SLC14A2: variants seen among roughly 807,000 people sequenced by gnomAD.
The protein encoded by SLC14A2 is solute carrier family 14 member 2.
Under a neutral mutation model 104.6 loss-of-function variants are expected in SLC14A2, and 91 were observed. The ratio of observed to expected loss-of-function variants is 0.87; its 90% CI spans 0.73 to 1.04. SLC14A2 has a LOEUF of 1.04. SLC14A2 is among the 50% of genes least tolerant of loss of function. The pLI, the probability that SLC14A2 is intolerant of heterozygous loss-of-function variation, is 0.00. For synonymous variants in SLC14A2, 476 were observed against 466.4 expected (o/e 1.02, Z -0.27); for missense variants, 1,189 against 1,156.0 (o/e 1.03, Z -0.41).
intron 1 of SLC14A2, among the ~76,000 whole-genome samples, chr18:45,417,128 G>T (rs1306770702): frequency 6.6e-6 from 1 of 152,112 alleles, no homozygotes; most frequent in African/African-American, 2.4e-5. Flanking sequence ...TCAGGATTTT[G>T]GTTATTTATC....
chr18:45,211,105 A>ATG (rs1203961266), upstream of SLC14A2, among the ~76,000 whole-genome samples: 1 of 152,182 alleles, frequency 6.6e-6, no homozygotes, highest in Non-Finnish European at 1.5e-5. Flanking sequence ...ACCAGAGAAA[A>ATG]TGTCTCTATT....
chr18:45,548,485 C>T (rs976703639), intron 2 of SLC14A2, among the ~76,000 whole-genome samples: 3 of 152,190 alleles, frequency 2.0e-5, no homozygotes, highest in Non-Finnish European at 2.9e-5. Flanking sequence ...AGGTGGATTA[C>T]TTGAGTGCAC....
chr18:45,548,427 G>A (rs562357713), intron 2 of SLC14A2, among the ~76,000 whole-genome samples: 1 of 152,320 alleles, frequency 6.6e-6, no homozygotes, highest in African/African-American at 2.4e-5. Context: ...AATTTGGCAG[G>A]GCATGGTGTT....
intron 18 of SLC14A2, among the ~76,000 whole-genome samples, chr18:45,675,709 ATTTTTT>A (rs71177687): frequency 6.4e-5 from 5 of 78,384 alleles, no homozygotes; most frequent in East Asian, 5.2e-4. Context: ...ATATATATAT[ATTTTTT>A]TTTTTTTTTT....
At chr18:45,488,969 CAAAGCCTAAAG>C (rs2087667082) in intron 2 of SLC14A2, among the ~76,000 whole-genome samples, 2 of 152,218 alleles carry the variant, frequency 1.3e-5, no homozygotes, top group Admixed American at 6.5e-5. Context: ...ATCCAGGCTG[CAAAGCCTAAAG>C]GACATATTAT....
intron 1 of SLC14A2, among the ~76,000 whole-genome samples, chr18:45,271,797 A>T (rs1314308252): frequency 3.3e-5 from 5 of 152,140 alleles, no homozygotes; most frequent in South Asian, 4.1e-4. Flanking sequence ...TAGAAAAAAA[A>T]TCCTAAAATT....
intron 1 of SLC14A2, among the ~76,000 whole-genome samples, chr18:45,471,029 C>G (rs2087238785): frequency 6.6e-6 from 1 of 151,914 alleles, no homozygotes; most frequent in South Asian, 2.1e-4. Flanking sequence ...ATTAACAACC[C>G]ACCACCAGTT....
rs1359444453 is a variant in SLC14A2 at position 45,667,095 on chromosome 18, GT to G, written c.1717+2del. The G allele has an allele frequency of 1.9e-6, 3 of 1,612,216 alleles. No homozygotes were observed. On this transcript the variant is annotated splice_donor_variant, in intron 13 of 19. Transcript: ENST00000255226. LOFTEE classifies it high-confidence loss of function. Reference sequence around the variant, plus strand: ...AAGGAGTGTGGAGAGGGACTTAAAGGTAAAATTCTATGAGAACAACACTGAC... The same window carrying G: ...AAGGAGTGTGGAGAGGGACTTAAAGGAAAATTCTATGAGAACAACACTGAC...
chr18:45,643,526 T>C (rs1273651688), intron 9 of SLC14A2, among the ~76,000 whole-genome samples: 2 of 152,116 alleles, frequency 1.3e-5, no homozygotes, highest in Non-Finnish European at 2.9e-5. Flanking sequence ...GCTCAAATTA[T>C]CTGTTTTGTT....
chr18:45,215,434 G>A (rs2084001391), intron 1 of SLC14A2, among the ~76,000 whole-genome samples: 1 of 151,994 alleles, frequency 6.6e-6, no homozygotes, highest in Admixed American at 6.6e-5. Flanking sequence ...GAAAAAAAAA[G>A]AAATGGATGT....
rs907631758 is a variant in SLC14A2 at position 45,683,555 on chromosome 18, T to C, written c.*1036T>C. 5.3e-5 allele frequency: 8 copies of C among 152,270 alleles called. No individual in the cohort carries two copies. Among genetic ancestry groups the C allele is most frequent in the Admixed American group, 2.6e-4 (4 of 15,290 alleles). The allele number at this position is 152,270 out of a possible 1,614,324, so 9.4% of individuals were successfully genotyped here. ...CTGAAAATGCCAATGTGCTTTCCTT[T>C]ACATTACAGAAATATTTCTGGAAGT... is the stretch of plus-strand genomic sequence containing the variant. On this transcript the variant is annotated 3_prime_UTR_variant, in exon 20 of 20. Transcript: ENST00000255226.
intron 1 of SLC14A2, among the ~76,000 whole-genome samples, chr18:45,352,526 A>G (rs768452998): frequency 5.9e-5 from 9 of 152,160 alleles, no homozygotes; most frequent in Non-Finnish European, 1.2e-4. Flanking sequence ...CTGAGGCCCT[A>G]GGCACTCGGG....
intron 2 of SLC14A2, among the ~76,000 whole-genome samples, chr18:45,597,739 G>C (rs1212550317): frequency 6.6e-6 from 1 of 152,218 alleles, no homozygotes; most frequent in Non-Finnish European, 1.5e-5. Context: ...AATGGACTGA[G>C]GGCAGGCACA....
the SLC14A2 span, among the ~76,000 whole-genome samples, chr18:45,184,432 C>T: frequency 6.6e-6 from 1 of 152,158 alleles, no homozygotes; most frequent in Non-Finnish European, 1.5e-5. Context: ...ACAATGTCAT[C>T]ACCAATCAGG....
chr18:45,286,999 C>G (rs1438497008), intron 1 of SLC14A2, among the ~76,000 whole-genome samples: 1 of 152,164 alleles, frequency 6.6e-6, no homozygotes, highest in Non-Finnish European at 1.5e-5. Flanking sequence ...CACTCATTAC[C>G]CAGTGGAAAA....
intron 6 of SLC14A2, among the ~76,000 whole-genome samples, chr18:45,638,959 C>T (rs1018987078): frequency 2.0e-5 from 3 of 152,172 alleles, no homozygotes; most frequent in African/African-American, 4.8e-5. Flanking sequence ...CCAAAAATAT[C>T]GACAATTCAG....
chr18:45,512,840 G>A (rs896223916), intron 2 of SLC14A2, among the ~76,000 whole-genome samples: 8 of 152,150 alleles, frequency 5.3e-5, no homozygotes, highest in Non-Finnish European at 1.5e-5. Flanking sequence ...AAGGCAGAGC[G>A]GAATTCCCAG....
Position 45,481,901 on chromosome 18 carries a change from C to T in SLC14A2, c.-124-1332C>T, listed in dbSNP as rs141612361. On this transcript the variant is annotated intron_variant, in intron 1 of 20. Coordinates refer to the SLC14A2 transcript ENST00000586448. Reference sequence around the variant, plus strand: ...AAATTGTTTAGCTTCAAATTTATCTCATAGTTTTCAAGATTCAACCTTAGT... The same window carrying T: ...AAATTGTTTAGCTTCAAATTTATCTTATAGTTTTCAAGATTCAACCTTAGT... Among the ~76,000 whole-genome samples, 4 of 152,278 alleles carry T rather than the reference C, an allele frequency of 2.6e-5. No individual in the cohort carries two copies. In the East Asian group the frequency reaches 5.8e-4, roughly 22 times the overall value.
At chr18:45,525,932 T>C (rs536188592) in intron 2 of SLC14A2, among the ~76,000 whole-genome samples, 1 of 152,332 alleles carries the variant, frequency 6.6e-6, no homozygotes, top group South Asian at 2.1e-4. Context: ...GACTCTTTCA[T>C]AGTGTAACAA....
Sources: allele counts gnomAD v4.1 joint callset (sites outside exome capture counted in the v4.1 genomes callset), GRCh38; gene constraint gnomAD v4.1.1; transcripts MANE v1.5; gene names NCBI Gene and HGNC (gene_info 2026-07-23, HGNC 2026-07-21).